Variants in C9orf85 observed in about 807,000 individuals in gnomAD.
The protein encoded by C9orf85 is chromosome 9 open reading frame 85.
In C9orf85, 16 loss-of-function variants were observed where a neutral mutation model predicts 14.9. The ratio of observed to expected loss-of-function variants is 1.08; its 90% CI spans 0.73 to 1.63. The LOEUF (loss-of-function observed/expected upper bound fraction) is 1.63, where lower values mean the gene tolerates loss of function less well. C9orf85 is among the 40% of genes most tolerant of loss of function. C9orf85 has a pLI of 0.00. For missense variants in C9orf85, 172 were observed against 186.1 expected (o/e 0.92, Z 0.44); for synonymous variants, 45 against 56.8 (o/e 0.79, Z 0.93).
At chr9:71,955,429 G>T (rs557938512) in intron 2 of C9orf85, among the ~76,000 whole-genome samples, 1 of 151,944 alleles carries the variant, frequency 6.6e-6, no homozygotes. Context: ...CTTCAATAAC[G>T]GTTTTGGACA....
At chr9:71,918,638 A>G in intron 1 of C9orf85, 1 of 332,244 alleles carries the variant, frequency 3.0e-6, no homozygotes, top group Non-Finnish European at 6.0e-6. Context: ...CTGTCAGATC[A>G]GCTCTGGCAT....
downstream of C9orf85, chr9:71,984,355 G>C (rs1337068338): frequency 3.3e-5 from 5 of 152,198 alleles, no homozygotes; most frequent in Non-Finnish European, 7.3e-5. Flanking sequence ...GGTTGATGCA[G>C]TTTCCTTTCT....
chr9:71,974,371 G>T (rs1822964659), downstream of C9orf85, among the ~76,000 whole-genome samples: 1 of 151,070 alleles, frequency 6.6e-6, no homozygotes, highest in South Asian at 2.1e-4. Flanking sequence ...AGCCTCCCTA[G>T]TAGCGGGGAC....
At chr9:71,984,973 G>GGAA (rs1456465931), downstream of C9orf85, 7 of 152,206 alleles carry the variant, frequency 4.6e-5, no homozygotes, top group African/African-American at 1.7e-4. Flanking sequence ...GATGAAGACA[G>GGAA]ATGCACCCTT....
intron 1 of C9orf85, among the ~76,000 whole-genome samples, chr9:71,943,527 C>G (rs991116087): frequency 6.6e-6 from 1 of 151,790 alleles, no homozygotes; most frequent in African/African-American, 2.4e-5. Flanking sequence ...CTTTCTCGCC[C>G]AGCTTCTTTT....
intron 3 of C9orf85, among the ~76,000 whole-genome samples, chr9:71,980,634 G>T (rs1407042907): frequency 1.3e-5 from 2 of 152,092 alleles, no homozygotes; most frequent in Non-Finnish European, 2.9e-5. Flanking sequence ...AAAGCAATAG[G>T]TCCAACTGTG....
intron 1 of C9orf85, among the ~76,000 whole-genome samples, chr9:71,933,193 A>G (rs1366275142): frequency 2.0e-5 from 3 of 152,224 alleles, no homozygotes. Context: ...AAAGTGGCGG[A>G]ATATTTGAAG....
intron 1 of C9orf85, among the ~76,000 whole-genome samples, chr9:71,912,507 G>T (rs1244721436): frequency 6.6e-6 from 1 of 152,120 alleles, no homozygotes; most frequent in African/African-American, 2.4e-5. Context: ...AGCACTTTGG[G>T]AGGCCGAAGC....
chr9:71,934,314 AAAAC>A (rs1828138720), intron 1 of C9orf85, among the ~76,000 whole-genome samples: 1 of 151,994 alleles, frequency 6.6e-6, no homozygotes, highest in East Asian at 2.0e-4. Context: ...CAAAACAAAC[AAAAC>A]AAACACTGTC....
intron 2 of C9orf85, among the ~76,000 whole-genome samples, chr9:71,961,015 T>C (rs1314329686): frequency 2.7e-5 from 4 of 149,604 alleles, no homozygotes; most frequent in African/African-American, 7.4e-5. Context: ...CGGGATCAAG[T>C]GATTCTCCTG....
At chr9:71,918,577 T>C in intron 1 of C9orf85, 1 of 473,588 alleles carries the variant, frequency 2.1e-6, no homozygotes, top group Non-Finnish European at 3.7e-6. Flanking sequence ...AAGCTTCATC[T>C]GTATTTACAG....
chr9:71,963,963 C>T (rs2132343104), intron 2 of C9orf85, among the ~76,000 whole-genome samples: 1 of 152,328 alleles, frequency 6.6e-6, no homozygotes, highest in East Asian at 1.9e-4. Flanking sequence ...CATCTGCAGC[C>T]CCGGAGTGGG....
rs1463775141 is a variant in C9orf85, at chr9:71,947,221, G to T, written c.209+109G>T. On this transcript the variant is annotated intron_variant, in intron 2 of 3. Transcript: ENST00000334731. The stretch of plus-strand genomic sequence containing the variant: ...CCAAATAAATGTTAAAGTAAATGAT[G>T]AAAAAATTCCATTCTCCCCTGTAGA... The T allele has an allele frequency of 4.2e-6, 3 of 716,304 alleles. No homozygotes were observed. The Admixed American group carries it at 9.3e-5, about 22-fold the overall frequency. 44.4% of individuals were successfully genotyped at this position (716,304 alleles called of 1,614,324 possible).
At chr9:71,976,780 A>G (rs147578147), downstream of C9orf85, among the ~76,000 whole-genome samples, 112 of 151,932 alleles carry the variant, frequency 7.4e-4, 2 homozygotes, top group East Asian at 0.021. Flanking sequence ...AACAAATACA[A>G]TTAGCTGCAT....
chr9:71,938,544 AAACAAG>A (rs1267088051), intron 1 of C9orf85, among the ~76,000 whole-genome samples: 1 of 152,044 alleles, frequency 6.6e-6, no homozygotes, highest in Non-Finnish European at 1.5e-5. Context: ...GTGGCAAATA[AAACAAG>A]AACATGAACT....
chr9:71,935,951 G>A (rs1051431039), intron 1 of C9orf85, among the ~76,000 whole-genome samples: 33 of 151,716 alleles, frequency 2.2e-4, no homozygotes, highest in Admixed American at 1.8e-3. Context: ...CACTCCCTCC[G>A]TCTTTACTCT....
At position 71,946,013 on chromosome 9, in the gene C9orf85, A is replaced by G. The variant is rs539209991; in HGVS notation, c.103-993A>G. On this transcript the variant is annotated intron_variant, in intron 1 of 3. Coordinates refer to ENST00000334731, the MANE Select transcript of C9orf85 (RefSeq NM_182505.5). ...TACATGACACATTTAAATTTTTCCT[A>G]TCTTCCTTCTTTCCCAACACATTTT... 5.3e-5 allele frequency among the ~76,000 whole-genome samples: 8 copies of G among 152,332 alleles called. No individual in the cohort carries two copies. The East Asian group carries it at 1.4e-3, about 26-fold the overall frequency.
intron 2 of C9orf85, among the ~76,000 whole-genome samples, chr9:71,969,149 G>C (rs1407823837): frequency 6.6e-6 from 1 of 152,144 alleles, no homozygotes; most frequent in Non-Finnish European, 1.5e-5. Flanking sequence ...CTGACATACT[G>C]ATTCTTTGAA....
chr9:71,954,162 C>T (rs1822319784), intron 2 of C9orf85, among the ~76,000 whole-genome samples: 1 of 150,156 alleles, frequency 6.7e-6, no homozygotes, highest in South Asian at 2.1e-4. Flanking sequence ...TCAAGGGCTC[C>T]AGTGGTGATG....
Sources: gnomAD v4.1 joint callset for allele counts (sites outside exome capture counted in the v4.1 genomes callset) on GRCh38, gnomAD v4.1.1 for gene constraint, MANE v1.5 for transcripts, NCBI Gene and HGNC (gene_info 2026-07-23, HGNC 2026-07-21) for gene names.